The following CSMD1 variants were observed in gnomAD, a reference collection of about 807,000 sequenced individuals.
The protein encoded by CSMD1 is CUB and sushi domain-containing protein 1.
CSMD1 carries 213 observed loss-of-function variants against 417.5 expected under a neutral mutation model. That is an observed-to-expected ratio of 0.51 (90% CI 0.46 to 0.57). CSMD1 has a LOEUF of 0.57. CSMD1 is among the 20% of genes least tolerant of loss of function. The probability of loss-of-function intolerance (pLI) is 0.00; values close to 1 mark genes in which losing one functional copy is unlikely to be tolerated. For synonymous variants in CSMD1, 2,862 were observed against 1,736.8 expected (o/e 1.65, Z -16.11); for missense variants, 6,923 against 4,529.7 (o/e 1.53, Z -15.17).
intron 23 of CSMD1, among the ~76,000 whole-genome samples, chr8:3,337,058 G>C (rs979944622): frequency 5.3e-5 from 8 of 152,204 alleles, no homozygotes; most frequent in East Asian, 2.0e-4. Context: ...AGCTGGGGTT[G>C]GCCAGGCCTT....
intron 3 of CSMD1, among the ~76,000 whole-genome samples, chr8:4,050,867 A>G (rs1211504353): frequency 6.6e-6 from 1 of 152,182 alleles, no homozygotes; most frequent in Non-Finnish European, 1.5e-5. Context: ...CTGAAAGGGC[A>G]CTTCTAATAC....
At chr8:4,870,784 C>CG (rs1397131939) in intron 1 of CSMD1, among the ~76,000 whole-genome samples, 25 of 152,102 alleles carry the variant, frequency 1.6e-4, no homozygotes, top group African/African-American at 5.1e-4. Flanking sequence ...CCCTGGTCCT[C>CG]GGAAAATGCC....
intron 2 of CSMD1, among the ~76,000 whole-genome samples, chr8:4,444,722 G>C (rs1044471042): frequency 1.3e-5 from 2 of 152,126 alleles, no homozygotes; most frequent in Non-Finnish European, 2.9e-5. Flanking sequence ...GTGCATGAAG[G>C]AAAATAATGA....
intron 1 of CSMD1, among the ~76,000 whole-genome samples, chr8:4,881,527 A>T (rs906238473): frequency 1.1e-4 from 11 of 98,694 alleles, no homozygotes; most frequent in Non-Finnish European, 1.7e-4. Flanking sequence ...CAGAAACTCG[A>T]AGTTAGTTTT....
intron 3 of CSMD1, among the ~76,000 whole-genome samples, chr8:4,334,595 T>C (rs765539491): frequency 7.9e-5 from 12 of 152,268 alleles, no homozygotes; most frequent in Non-Finnish European, 1.3e-4. Context: ...CTATTTTTAT[T>C]TCTCTATCTG....
At chr8:4,531,315 A>C (rs141956507) in intron 2 of CSMD1, among the ~76,000 whole-genome samples, 1 of 152,198 alleles carries the variant, frequency 6.6e-6, no homozygotes, top group African/African-American at 2.4e-5. Context: ...CGTGGAATGT[A>C]TTCAGGTCAT....
intron 59 of CSMD1, 64 bp downstream of exon 59, chr8:2,965,711 C>T: frequency 1.4e-5 from 20 of 1,434,510 alleles, no homozygotes; most frequent in Non-Finnish European, 1.9e-5. Context: ...CAAAATTAAA[C>T]AAAGCATAAT....
intron 15 of CSMD1, among the ~76,000 whole-genome samples, chr8:3,403,380 T>C (rs528069898): frequency 6.6e-6 from 1 of 152,198 alleles, no homozygotes; most frequent in East Asian, 1.9e-4. Context: ...GTGATCGGGG[T>C]ACCCGCCTGT....
intron 5 of CSMD1, among the ~76,000 whole-genome samples, chr8:3,808,997 T>C (rs1800909648): frequency 6.6e-6 from 1 of 152,142 alleles, no homozygotes; most frequent in Non-Finnish European, 1.5e-5. Context: ...TGAGTCAACA[T>C]GACATGGATG....
At chr8:4,184,046 T>C (rs1051436936) in intron 3 of CSMD1, among the ~76,000 whole-genome samples, 1 of 152,206 alleles carries the variant, frequency 6.6e-6, no homozygotes, top group Admixed American at 6.5e-5. Flanking sequence ...TGGCAAATTC[T>C]GTTATTATCT....
At chr8:4,646,057 CCTGAAA>C (rs1055758090) in intron 1 of CSMD1, among the ~76,000 whole-genome samples, 6 of 152,084 alleles carry the variant, frequency 3.9e-5, no homozygotes, top group African/African-American at 1.2e-4. Context: ...GATTTTTTTG[CCTGAAA>C]CAGGTGACAA....
chr8:3,663,168 G>A (rs562311645), intron 7 of CSMD1, among the ~76,000 whole-genome samples: 1 of 152,188 alleles, frequency 6.6e-6, no homozygotes, highest in South Asian at 2.1e-4. Context: ...AAGAAAGGCT[G>A]GTGCATTTTC....
intron 23 of CSMD1, among the ~76,000 whole-genome samples, chr8:3,329,306 C>G (rs1032435334): frequency 6.6e-6 from 1 of 152,030 alleles, no homozygotes; most frequent in Admixed American, 6.6e-5. Context: ...TCTGGACAGC[C>G]GGACCCCTAA....
intron 3 of CSMD1, among the ~76,000 whole-genome samples, chr8:4,309,910 G>A (rs138930276): frequency 5.3e-5 from 8 of 152,276 alleles, no homozygotes; most frequent in Non-Finnish European, 8.8e-5. Context: ...TATGAAATGT[G>A]ATTTAAGAAG....
chr8:4,578,332 A>AC (rs1799238701), intron 2 of CSMD1, among the ~76,000 whole-genome samples: 2 of 48,776 alleles, frequency 4.1e-5, no homozygotes, highest in South Asian at 2.7e-3. Context: ...CACCCGGCTC[A>AC]TTTTTTTTTT....
chr8:4,788,641 T>C (rs1797534811), intron 1 of CSMD1: 11 of 738,086 alleles, frequency 1.5e-5, no homozygotes, highest in African/African-American at 3.5e-5. Context: ...CTAATTTAGC[T>C]GAAGGAAAAT....
chr8:4,823,199 A>C (rs1359405825), intron 1 of CSMD1, among the ~76,000 whole-genome samples: 3 of 152,048 alleles, frequency 2.0e-5, no homozygotes, highest in Admixed American at 1.3e-4. Context: ...CTAGGTTCTT[A>C]TTAGGTTTAA....
chr8:3,859,683 G>A (rs935174672), intron 5 of CSMD1, among the ~76,000 whole-genome samples: 1 of 152,138 alleles, frequency 6.6e-6, no homozygotes, highest in African/African-American at 2.4e-5. Flanking sequence ...ATTAATCAAT[G>A]AGTCGTGCCT....
At position 3,512,382 on chromosome 8, in the gene CSMD1, C is replaced by T. The variant is rs569976874; in HGVS notation, c.1345-18656G>A. Among the ~76,000 whole-genome samples the T allele has an allele frequency of 6.6e-5, 10 of 152,176 alleles. No individual in the cohort carries two copies. In the South Asian group the frequency reaches 8.3e-4, roughly 13 times the overall value. ...TTCAGCTCAGAAATTCAAGATTACT[C>T]GTGTGTCTCTCCCCATAGACAGGCT... On this transcript the variant is annotated intron_variant, in intron 10 of 69. Coordinates refer to ENST00000635120, the MANE Select transcript of CSMD1 (RefSeq NM_033225.6).
Sources: gnomAD v4.1 joint callset for allele counts (sites outside exome capture counted in the v4.1 genomes callset) on GRCh38, gnomAD v4.1.1 for gene constraint, MANE v1.5 for transcripts, NCBI Gene and HGNC (gene_info 2026-07-23, HGNC 2026-07-21) for gene names.